The following THOC7 variants were observed in gnomAD, a reference collection of about 807,000 sequenced individuals.
THOC7 encodes NIF3L1-binding protein 1.
Under a neutral mutation model 33.1 loss-of-function variants are expected in THOC7, and 22 were observed. The observed-to-expected ratio is 0.66, with a 90% confidence interval of 0.47 to 0.95. The LOEUF is 0.95. THOC7 is among the 40% of genes least tolerant of loss of function. The pLI is 0.00. For missense variants in THOC7, 184 were observed against 245.3 expected, an observed-to-expected ratio of 0.75 and a Z score of 1.67; for synonymous variants, 77 against 76.8, an observed-to-expected ratio of 1.00 and a Z score of -0.01.
intron 1 of THOC7, 31 bp downstream of exon 1, chr3:63,863,741 C>T: frequency 8.0e-7 from 1 of 1,249,104 alleles, no homozygotes; most frequent in Non-Finnish European, 1.0e-6. Flanking sequence ...GGCCGTGCAG[C>T]GGGCGCGTGT....
chr3:63,854,793 G>C (rs1015135194), intron 1 of THOC7: 1 of 152,098 alleles, frequency 6.6e-6, no homozygotes, highest in Non-Finnish European at 1.5e-5. Context: ...CGGATCACGA[G>C]GTCAGGAGAT....
intron 1 of THOC7, among the ~76,000 whole-genome samples, chr3:63,839,996 GAA>G (rs1439510617): frequency 2.0e-5 from 3 of 152,140 alleles, no homozygotes; most frequent in Admixed American, 1.3e-4. Flanking sequence ...ATATACTAAA[GAA>G]AAAAGAAAGT....
At chr3:63,839,850 T>C in intron 1 of THOC7, 77 bp from the exon 2 acceptor site, 2 of 1,211,140 alleles carry the variant, frequency 1.7e-6, no homozygotes, top group Admixed American at 4.0e-5. Context: ...CACTGTTCAT[T>C]TGTTTATTCA....
At chr3:63,844,296 G>A (rs1701839026) in intron 1 of THOC7, among the ~76,000 whole-genome samples, 1 of 152,190 alleles carries the variant, frequency 6.6e-6, no homozygotes, top group Non-Finnish European at 1.5e-5. Flanking sequence ...TGTACAGCAA[G>A]GTGACTATAG....
chr3:63,844,343 A>C (rs1701839916), intron 1 of THOC7, among the ~76,000 whole-genome samples: 1 of 152,222 alleles, frequency 6.6e-6, no homozygotes, highest in African/African-American at 2.4e-5. Flanking sequence ...AAAATGTAAA[A>C]AGAGTGAATG....
At chr3:63,860,752 C>G (rs1385664931) in intron 1 of THOC7, 1 of 152,144 alleles carries the variant, frequency 6.6e-6, no homozygotes, top group Non-Finnish European at 1.5e-5. Flanking sequence ...GTTTTCTAAT[C>G]CGTTTAATTT....
chr3:63,843,916 A>G (rs1029631651), intron 1 of THOC7, among the ~76,000 whole-genome samples: 10 of 152,076 alleles, frequency 6.6e-5, no homozygotes, highest in South Asian at 4.1e-4. Context: ...AAAAAAAACA[A>G]AACTGTGGAT....
intron 1 of THOC7, among the ~76,000 whole-genome samples, chr3:63,851,275 C>T (rs2107152734): frequency 6.6e-6 from 1 of 152,266 alleles, no homozygotes; most frequent in East Asian, 1.9e-4. Flanking sequence ...AAGCTATAAA[C>T]ACATGCTGAG....
At chr3:63,834,229 A>C (rs1701580192) in intron 7 of THOC7, 30 bp from the exon 8 acceptor site, 1 of 1,609,508 alleles carries the variant, frequency 6.2e-7, no homozygotes, top group African/African-American at 1.3e-5. Context: ...ATAAAACCTT[A>C]GTCAAGTTTG....
At chr3:63,840,556 A>C (rs1439664711) in intron 1 of THOC7, among the ~76,000 whole-genome samples, 1 of 152,172 alleles carries the variant, frequency 6.6e-6, no homozygotes, top group Non-Finnish European at 1.5e-5. Context: ...TCACCACTGG[A>C]CTCCAGCGCC....
chr3:63,840,843 G>C (rs1167015130), intron 1 of THOC7, among the ~76,000 whole-genome samples: 1 of 152,176 alleles, frequency 6.6e-6, no homozygotes, highest in Non-Finnish European at 1.5e-5. Flanking sequence ...CTAATAAAAT[G>C]CAAACTGGTA....
chr3:63,836,180 T>C (rs1268173576), intron 5 of THOC7, 121 bp downstream of exon 5: 1 of 851,694 alleles, frequency 1.2e-6, no homozygotes, highest in African/African-American at 1.7e-5. Context: ...AAATATAATA[T>C]TGAATATCTG....
chr3:63,841,810 C>A (rs1397103867), intron 1 of THOC7, among the ~76,000 whole-genome samples: 1 of 152,114 alleles, frequency 6.6e-6, no homozygotes. Flanking sequence ...AATTTTCTTA[C>A]TACAAATGTT....
At chr3:63,863,699 G>A (rs1166060296) in intron 1 of THOC7, 73 bp downstream of exon 1, 2 of 1,241,920 alleles carry the variant, frequency 1.6e-6, no homozygotes, top group Non-Finnish European at 2.0e-6. Flanking sequence ...GAAGCGGGCC[G>A]GGAGGCCAGG....
chr3:63,851,412 T>C (rs1391547147), intron 1 of THOC7, among the ~76,000 whole-genome samples: 3 of 152,220 alleles, frequency 2.0e-5, no homozygotes, highest in African/African-American at 4.8e-5. Flanking sequence ...GCCATTGTTT[T>C]GGACTAAGTT....
intron 1 of THOC7, chr3:63,845,057 A>C (rs1204276498): frequency 2.9e-6 from 2 of 699,768 alleles, no homozygotes; most frequent in African/African-American, 1.8e-5. Context: ...AGCTGACCTG[A>C]GACTCCTTGA....
At chr3:63,863,822 G>GCGC, upstream of THOC7, 2 of 1,230,918 alleles carry the variant, frequency 1.6e-6, no homozygotes, top group Non-Finnish European at 1.0e-6. Flanking sequence ...GGCGGCGGCG[G>GCGC]CGCAAGCTGA....
intron 1 of THOC7, among the ~76,000 whole-genome samples, chr3:63,853,907 CA>C (rs1172783360): frequency 0.062 from 4,448 of 71,896 alleles, 94 homozygotes; most frequent in African/African-American, 0.13. Context: ...GACTCCGTCT[CA>C]AAAAAAAAAA....
chr3:63,861,086 A>G (rs1417498998), intron 1 of THOC7: 1 of 152,212 alleles, frequency 6.6e-6, no homozygotes, highest in African/African-American at 2.4e-5. Context: ...TATGTGTTGG[A>G]CTCAATGCAA....
Sources: gnomAD v4.1 joint callset for allele counts (sites outside exome capture counted in the v4.1 genomes callset) on GRCh38, gnomAD v4.1.1 for gene constraint, MANE v1.5 for transcripts, NCBI Gene and HGNC (gene_info 2026-07-23, HGNC 2026-07-21) for gene names.